DOC2B: variants seen among roughly 807,000 people sequenced by gnomAD.
DOC2B encodes double C2-like domain-containing protein beta.
A neutral mutation model predicts 28.9 loss-of-function variants in DOC2B; 21 were observed. The ratio of observed to expected loss-of-function variants is 0.73; its 90% CI spans 0.52 to 1.05. The LOEUF (loss-of-function observed/expected upper bound fraction) is 1.05, where lower values mean the gene tolerates loss of function less well. Among genes scored for constraint, DOC2B ranks in the 50% least tolerant of loss-of-function variants. The pLI is 0.00. For missense variants in DOC2B, 384 were observed against 421.1 expected (o/e 0.91, Z 0.77); for synonymous variants, 194 against 178.1 (o/e 1.09, Z -0.71).
Position 146,592 on chromosome 17 carries a change from T to C in DOC2B, c.*849A>G, listed in dbSNP as rs9895614. 0.4 allele frequency: 60,093 copies of C among 151,984 alleles called. 12,030 individuals are homozygous for C. The highest frequency in any genetic ancestry group is 0.43 in the Non-Finnish European group (29,037 of 68,002). 9.4% of individuals were successfully genotyped at this position (151,984 alleles called of 1,614,324 possible). A position where few individuals can be genotyped will look rare whatever the true frequency, so the allele number is the denominator to read the frequency against. Reference sequence around the variant, plus strand: ...CTGGGTCCACAGCACCCCGGCCCCATTGGCTTTCTCTCTCCAGGCGTTTTA... The same window carrying C: ...CTGGGTCCACAGCACCCCGGCCCCACTGGCTTTCTCTCTCCAGGCGTTTTA... On this transcript the variant is annotated 3_prime_UTR_variant, in exon 9 of 9. Transcript: ENST00000613549.
rs180912731 is a variant in DOC2B, at chr17:172,273, G to A, written c.453+264C>T. On this transcript the variant is annotated intron_variant, in intron 2 of 8. Transcript: ENST00000613549. ...CTCTCAGCAGCCCCTCCCCAGGCTC[G>A]AGGGTCCTCGGTCCAGGCCTTCATC... 2.2e-3 allele frequency among the ~76,000 whole-genome samples: 331 copies of A among 151,456 alleles called. 2 individuals are homozygous for A. Among genetic ancestry groups the A allele is most frequent in the African/African-American group, 7.8e-3 (321 of 41,334 alleles).
At chr17:153,374 C>T (rs1432038487) in intron 6 of DOC2B, among the ~76,000 whole-genome samples, 2 of 152,218 alleles carry the variant, frequency 1.3e-5, no homozygotes, top group African/African-American at 2.4e-5. Flanking sequence ...AATTCCTGTC[C>T]ATCTGGCAGG....
At chr17:156,817 G>A (rs2040141380) in intron 5 of DOC2B, among the ~76,000 whole-genome samples, 1 of 152,198 alleles carries the variant, frequency 6.6e-6, no homozygotes, top group African/African-American at 2.4e-5. Flanking sequence ...GGGCTCAAGG[G>A]ATCTTCCCAC....
chr17:157,910 G>T (rs943091535), intron 5 of DOC2B, among the ~76,000 whole-genome samples: 2 of 152,210 alleles, frequency 1.3e-5, no homozygotes, highest in African/African-American at 4.8e-5. Context: ...AGGCAGAAAG[G>T]TCTGCCCATG....
intron 1 of DOC2B, among the ~76,000 whole-genome samples, chr17:180,479 G>A (rs1189315604): frequency 6.6e-6 from 1 of 152,152 alleles, no homozygotes. Context: ...GGGCTGCGGC[G>A]GGGTCCATGG....
intron 1 of DOC2B, among the ~76,000 whole-genome samples, chr17:176,694 G>T (rs564143923): frequency 6.6e-6 from 1 of 152,234 alleles, no homozygotes; most frequent in Non-Finnish European, 1.5e-5. Flanking sequence ...TGTGCTGGGC[G>T]TGAGGAGGGC....
At chr17:154,324 T>C (rs886450380) in intron 6 of DOC2B, among the ~76,000 whole-genome samples, 799 of 147,646 alleles carry the variant, frequency 5.4e-3, no homozygotes, top group African/African-American at 0.019. Context: ...AGGGCTGATA[T>C]TCCACGCACC....
rs1555523320 is a variant in DOC2B at position 162,074 on chromosome 17, C to A, written c.638+7G>T. On this transcript the variant is annotated splice_region_variant and intron_variant, in intron 4 of 8. Transcript: ENST00000613549. ...GAGGGAGCAGGCGGCCTGGGACCCTCACCCACCGCAGGGTCTTGCGGATCA... is the reference window on the plus strand; with the variant it reads ...GAGGGAGCAGGCGGCCTGGGACCCTAACCCACCGCAGGGTCTTGCGGATCA... The A allele has an allele frequency of 3.2e-6, 5 of 1,545,228 alleles. No individual in the cohort carries two copies. In the East Asian group the frequency reaches 1.2e-4, roughly 38 times the overall value.
At chr17:159,893 G>A (rs142483275) in intron 5 of DOC2B, among the ~76,000 whole-genome samples, 2 of 148,314 alleles carry the variant, frequency 1.3e-5, no homozygotes, top group East Asian at 3.9e-4. Context: ...ACACACACAC[G>A]CTGACACCCC....
chr17:159,875 G>A (rs770962006), intron 5 of DOC2B, among the ~76,000 whole-genome samples: 5 of 148,148 alleles, frequency 3.4e-5, no homozygotes, highest in Non-Finnish European at 6.1e-5. Flanking sequence ...ATTCACACAC[G>A]AGCACACACA....
intron 1 of DOC2B, among the ~76,000 whole-genome samples, chr17:178,456 T>G (rs538364469): frequency 6.6e-6 from 1 of 152,256 alleles, no homozygotes; most frequent in East Asian, 1.9e-4. Context: ...CTTCCACAGG[T>G]GGGTGCCGGG....
intron 1 of DOC2B, among the ~76,000 whole-genome samples, chr17:180,718 C>G (rs1182132881): frequency 6.6e-6 from 1 of 151,578 alleles, no homozygotes; most frequent in African/African-American, 2.4e-5. Flanking sequence ...ACCGCGCGGC[C>G]GGCAGCAACT....
chr17:160,135 C>G (rs932573319), intron 5 of DOC2B, among the ~76,000 whole-genome samples: 2 of 151,982 alleles, frequency 1.3e-5, no homozygotes, highest in East Asian at 1.9e-4. Flanking sequence ...CAGGCATGCA[C>G]CCCCACACCC....
rs1312812503 is a variant in DOC2B at position 145,660 on chromosome 17, CTT to C, written c.*1779_*1780del. Reference sequence around the variant, plus strand: ...ACCCTGGACCTCAGGTGGTGGTGTGCTTTGTGTCTGCAGTGGAAGGTCCCACC... The same window carrying C: ...ACCCTGGACCTCAGGTGGTGGTGTGCTGTGTCTGCAGTGGAAGGTCCCACC... On this transcript the variant is annotated 3_prime_UTR_variant, in exon 9 of 9. Coordinates refer to ENST00000613549, the MANE Select transcript of DOC2B (RefSeq NM_003585.5). 1 of 152,434 alleles carries C rather than the reference CTT, an allele frequency of 6.6e-6. No homozygotes were observed. The highest frequency in any genetic ancestry group is 1.5e-5 in the Non-Finnish European group (1 of 68,198). The allele number at this position is 152,434 out of a possible 1,614,324, so 9.4% of individuals were successfully genotyped here.
At chr17:150,750 CA>C (rs901641623) in intron 6 of DOC2B, among the ~76,000 whole-genome samples, 1 of 152,268 alleles carries the variant, frequency 6.6e-6, no homozygotes, top group African/African-American at 2.4e-5. Flanking sequence ...CTACCATCAC[CA>C]AAAATTGCAA....
Position 181,188 on chromosome 17 carries a change from G to A in DOC2B, c.292C>T (p.Pro98Ser). 1 of 1,242,474 alleles carries A rather than the reference G, an allele frequency of 8.0e-7. No homozygotes were observed. Among genetic ancestry groups the A allele is most frequent in the Non-Finnish European group, 1.0e-6 (1 of 993,824 alleles). The allele number at this position is 1,242,474 out of a possible 1,614,324, so 77.0% of individuals were successfully genotyped here. The change falls in exon 1 of 9, where the codon CCG becomes TCG. Residue 98 changes from proline to serine, a missense_variant. Transcript: ENST00000613549. The surrounding 1 kb of genome is among the most constrained non-coding windows in gnomAD (Gnocchi z 7.0). Reference protein sequence around the residue: ...GAYGSSPGPSPGPSPARPPAK... With the variant: ...GAYGSSPGPSSGPSPARPPAK... The stretch of plus-strand genomic sequence containing the variant: ...GGCGGCCGCGCGGGGCTGGGACCCG[G>A]GCTGGGGCCCGGGCTGGAGCCGTAG...
At chr17:170,599 A>G (rs1227424913) in intron 2 of DOC2B, among the ~76,000 whole-genome samples, 2 of 152,148 alleles carry the variant, frequency 1.3e-5, no homozygotes, top group African/African-American at 4.8e-5. Context: ...TGGCACTACT[A>G]GGGAGACTCT....
At chr17:178,889 T>C (rs1274946859) in intron 1 of DOC2B, among the ~76,000 whole-genome samples, 1 of 152,162 alleles carries the variant, frequency 6.6e-6, no homozygotes, top group East Asian at 1.9e-4. Flanking sequence ...ATTCTAAGGA[T>C]CTGGTTGTCA....
In DOC2B at chr17:147,365, T is replaced by C. The variant is rs2040027033; in HGVS notation, c.*76A>G. ...CCCCCAGTGTGGGGGCCACAGGCCT[T>C]GGTGGCTGCTGGGGAAGCCCGGGGC... On this transcript the variant is annotated 3_prime_UTR_variant, in exon 9 of 9. Transcript: ENST00000613549. 5.0e-6 allele frequency: 2 copies of C among 398,486 alleles called. No homozygotes were observed. Among genetic ancestry groups the C allele is most frequent in the Non-Finnish European group, 8.8e-6 (2 of 226,130 alleles). 24.7% of individuals were successfully genotyped at this position (398,486 alleles called of 1,614,324 possible).
Sources: allele counts gnomAD v4.1 joint callset (sites outside exome capture counted in the v4.1 genomes callset), GRCh38; gene constraint gnomAD v4.1.1; non-coding constraint Gnocchi (gnomAD v3.1); transcripts MANE v1.5; gene names NCBI Gene and HGNC (gene_info 2026-07-23, HGNC 2026-07-21).